Variants in COL25A1 observed in about 807,000 individuals in gnomAD.
COL25A1 encodes collagen alpha-1(XXV) chain.
A neutral mutation model predicts 128.4 loss-of-function variants in COL25A1; 103 were observed. The observed-to-expected ratio is 0.80, with a 90% CI of 0.68 to 0.94. The LOEUF is 0.94. Ranked by LOEUF, COL25A1 falls within the 40% of genes least tolerant of loss-of-function variation. The probability of loss-of-function intolerance (pLI) is 0.00; values close to 1 mark genes in which losing one functional copy is unlikely to be tolerated. For synonymous variants in COL25A1, 279 were observed against 277.2 expected, an observed-to-expected ratio of 1.01 and a Z score of -0.06; for missense variants, 745 against 840.0, an observed-to-expected ratio of 0.89 and a Z score of 1.40.
chr4:109,187,952 T>G (rs1775283798), intron 3 of COL25A1, among the ~76,000 whole-genome samples: 2 of 152,266 alleles, frequency 1.3e-5, no homozygotes, highest in South Asian at 4.1e-4. Flanking sequence ...TTCCAACTTC[T>G]TGAAAAAACA....
At chr4:109,064,406 C>A (rs1313217525) in intron 3 of COL25A1, among the ~76,000 whole-genome samples, 3 of 152,142 alleles carry the variant, frequency 2.0e-5, no homozygotes, top group Non-Finnish European at 4.4e-5. Context: ...TTACAAAGTT[C>A]TACAAGTAAA....
intron 3 of COL25A1, among the ~76,000 whole-genome samples, chr4:109,260,256 T>G (rs1433206552): frequency 6.6e-6 from 1 of 152,216 alleles, no homozygotes; most frequent in Non-Finnish European, 1.5e-5. Flanking sequence ...ATTCTCATAA[T>G]AAGCTGAGTC....
At chr4:109,155,656 T>C (rs1232344293) in intron 3 of COL25A1, among the ~76,000 whole-genome samples, 2 of 152,254 alleles carry the variant, frequency 1.3e-5, no homozygotes, top group East Asian at 1.9e-4. Flanking sequence ...CTAATTTTTA[T>C]TGCTATGATG....
At chr4:108,877,684 G>A (rs958655063) in intron 19 of COL25A1, among the ~76,000 whole-genome samples, 1 of 151,430 alleles carries the variant, frequency 6.6e-6, no homozygotes, top group South Asian at 2.1e-4. Flanking sequence ...AACAACACAT[G>A]AACAACTACC....
At chr4:108,982,517 T>G (rs1389985598) in intron 6 of COL25A1, among the ~76,000 whole-genome samples, 1 of 152,144 alleles carries the variant, frequency 6.6e-6, no homozygotes, top group African/African-American at 2.4e-5. Context: ...GCAATAAAAC[T>G]CTGTGTTCAA....
At position 108,938,740 on chromosome 4, in the gene COL25A1, C is replaced by T. The variant is rs113228328; in HGVS notation, c.673-897G>A. On this transcript the variant is annotated intron_variant, in intron 10 of 37. Coordinates refer to ENST00000399132, the MANE Select transcript of COL25A1 (RefSeq NM_198721.4). ...GGCATGGTGGTGGGCACCTGTAGTCCCAGCTACTCAGAAGGCTGAGACAGG... is the reference window on the plus strand; with the variant it reads ...GGCATGGTGGTGGGCACCTGTAGTCTCAGCTACTCAGAAGGCTGAGACAGG... 2.5e-3 allele frequency among the ~76,000 whole-genome samples: 376 copies of T among 152,202 alleles called. 3 individuals are homozygous for T. The highest frequency in any genetic ancestry group is 8.5e-3 in the African/African-American group (353 of 41,534).
At chr4:109,220,207 C>T (rs1778314015) in intron 3 of COL25A1, among the ~76,000 whole-genome samples, 1 of 152,130 alleles carries the variant, frequency 6.6e-6, no homozygotes, top group Non-Finnish European at 1.5e-5. Context: ...TGATGTCAGC[C>T]ATCTGAACTG....
rs753641680 is a variant in COL25A1, at chr4:108,820,763, C to T, written c.1846-1434G>A. ...TTCAGGAGAGGAAAAGCAGCTTGGA[C>T]TCAGTAAAAATGAGGTAGGCAGGAT... On this transcript the variant is annotated intron_variant, in intron 35 of 37. Transcript: ENST00000399132. 6.6e-5 allele frequency among the ~76,000 whole-genome samples: 10 copies of T among 150,696 alleles called. No homozygotes were observed. The East Asian group carries it at 1.9e-3, about 29-fold the overall frequency.
chr4:108,924,991 T>C (rs76854621), intron 11 of COL25A1, among the ~76,000 whole-genome samples: 4,611 of 152,284 alleles, frequency 0.03, 100 homozygotes, highest in Middle Eastern at 0.058. Context: ...CCAACAATAA[T>C]CATAATTGTC....
At chr4:109,141,012 A>C (rs1770347584) in intron 3 of COL25A1, among the ~76,000 whole-genome samples, 1 of 152,130 alleles carries the variant, frequency 6.6e-6, no homozygotes, top group Admixed American at 6.5e-5. Flanking sequence ...ATCTTGTGCC[A>C]GTTTTCAAAG....
At chr4:108,815,892 T>C (rs1731204275) in intron 37 of COL25A1, among the ~76,000 whole-genome samples, 1 of 152,088 alleles carries the variant, frequency 6.6e-6, no homozygotes, top group Non-Finnish European at 1.5e-5. Flanking sequence ...AAGTTCTGAG[T>C]GGTGTCAGAA....
intron 5 of COL25A1, among the ~76,000 whole-genome samples, chr4:109,033,478 C>T (rs904868965): frequency 2.0e-5 from 3 of 152,214 alleles, no homozygotes; most frequent in African/African-American, 7.2e-5. Flanking sequence ...AGGCAGTCCC[C>T]ATCAGAGGAG....
intron 6 of COL25A1, 111 bp downstream of exon 6, chr4:109,010,247 T>C: frequency 1.2e-6 from 1 of 852,876 alleles, no homozygotes; most frequent in Non-Finnish European, 1.9e-6. Flanking sequence ...TGTGTGGTGT[T>C]GTGATTATCA....
chr4:109,183,164 A>G (rs1355543675), intron 3 of COL25A1, among the ~76,000 whole-genome samples: 1 of 151,930 alleles, frequency 6.6e-6, no homozygotes, highest in African/African-American at 2.4e-5. Context: ...CACCCCATCC[A>G]TGTCCACAAA....
At chr4:109,056,843 G>T (rs78173381) in intron 3 of COL25A1, among the ~76,000 whole-genome samples, 1 of 152,220 alleles carries the variant, frequency 6.6e-6, no homozygotes, top group Admixed American at 6.5e-5. Flanking sequence ...ATAGTTTTTT[G>T]TCTGACACAG....
chr4:108,929,368 C>G (rs1403239062), intron 11 of COL25A1, among the ~76,000 whole-genome samples: 1 of 152,038 alleles, frequency 6.6e-6, no homozygotes, highest in Non-Finnish European at 1.5e-5. Context: ...AGGTAATTCA[C>G]CCACCTCGGT....
intron 3 of COL25A1, among the ~76,000 whole-genome samples, chr4:109,293,970 A>G (rs1178923089): frequency 1.3e-5 from 2 of 152,110 alleles, no homozygotes; most frequent in Non-Finnish European, 2.9e-5. Flanking sequence ...CTTAAACTTC[A>G]TATCTGTGAA....
intron 19 of COL25A1, among the ~76,000 whole-genome samples, chr4:108,872,835 T>C (rs190038713): frequency 3.3e-5 from 5 of 152,292 alleles, no homozygotes; most frequent in African/African-American, 1.2e-4. Context: ...TAAAACATAC[T>C]ATTTGATTAA....
At chr4:109,299,880 C>T (rs1725339939) in intron 3 of COL25A1, among the ~76,000 whole-genome samples, 1 of 152,072 alleles carries the variant, frequency 6.6e-6, no homozygotes, top group Non-Finnish European at 1.5e-5. Context: ...TTAATGATTA[C>T]CCAGGGGTCT....
Sources: gnomAD v4.1 joint callset for allele counts (sites outside exome capture counted in the v4.1 genomes callset) on GRCh38, gnomAD v4.1.1 for gene constraint, MANE v1.5 for transcripts, NCBI Gene and HGNC (gene_info 2026-07-23, HGNC 2026-07-21) for gene names.